The following GHRHR variants were observed in gnomAD, a reference collection of about 807,000 sequenced individuals.
GHRHR encodes the protein growth hormone-releasing hormone receptor.
GHRHR carries 40 observed loss-of-function variants against 58.3 expected under a neutral mutation model. That is an observed-to-expected ratio of 0.69 (90% CI 0.53 to 0.89). The LOEUF (loss-of-function observed/expected upper bound fraction) is 0.89. Among genes scored for constraint, GHRHR ranks in the 40% least tolerant of loss-of-function variants. The probability of loss-of-function intolerance (pLI) is 0.00; values close to 1 mark genes in which losing one functional copy is unlikely to be tolerated. For missense variants in GHRHR, 551 were observed against 541.3 expected, an observed-to-expected ratio of 1.02 and a Z score of -0.18; for synonymous variants, 249 against 216.6, an observed-to-expected ratio of 1.15 and a Z score of -1.31.
intron 1 of GHRHR, among the ~76,000 whole-genome samples, chr7:30,966,121 A>G (rs1482237270): frequency 6.6e-6 from 1 of 152,154 alleles, no homozygotes; most frequent in East Asian, 1.9e-4. Flanking sequence ...TTCTCCTGCC[A>G]GGGTAGCACT....
At chr7:30,969,555 G>C in intron 3 of GHRHR, 2 of 602,752 alleles carry the variant, frequency 3.3e-6, no homozygotes, top group Admixed American at 2.9e-5. Context: ...CCTAGGTGCT[G>C]GGACAGTGAG....
rs369916981 is a variant in GHRHR at position 30,969,979 on chromosome 7, G to A, written c.366+15G>A. The A allele has an allele frequency of 8.5e-5, 86 of 1,012,612 alleles. No homozygotes were observed. The highest frequency in any genetic ancestry group is 1.3e-4 in the Non-Finnish European group (80 of 630,470). The allele number at this position is 1,012,612 out of a possible 1,614,324, so 62.7% of individuals were successfully genotyped here. The stretch of plus-strand genomic sequence containing the variant: ...TGGCTGAGGAGGTAAGAGTCTTCTG[G>A]CATCTTGGAGGAAGGACTGCCATGG... On this transcript the variant is annotated intron_variant, in intron 4 of 12. Transcript: ENST00000326139.
intron 11 of GHRHR, among the ~76,000 whole-genome samples, 154 bp downstream of exon 11, chr7:30,976,712 C>T (rs1792592130): frequency 6.6e-6 from 1 of 152,164 alleles, no homozygotes; most frequent in Admixed American, 6.5e-5. Context: ...TTCCAGCCAC[C>T]CATCTACGTA....
At position 30,971,173 on chromosome 7, in the gene GHRHR, A is replaced by G. The variant is rs535557319; in HGVS notation, c.421A>G (p.Ile141Val). The G allele has an allele frequency of 7.8e-6, 12 of 1,535,064 alleles. No individual in the cohort carries two copies. Among genetic ancestry groups the G allele is most frequent in the African/African-American group, 6.8e-5 (5 of 73,150 alleles). Residue 141 changes from isoleucine to valine, a missense_variant, in exon 5 of 13, where the codon ATT (isoleucine) becomes GTT (valine). By Grantham distance (29) the Ile-to-Val change is conservative. Coordinates refer to ENST00000326139, the MANE Select transcript of GHRHR (RefSeq NM_000823.4). ...CTACACCGTGGGCCATAGCATCTCT[A>G]TTGTAGCCCTCTTCGTGGCCATCAC... ...IIYTVGHSIS[I>V]VALFVAITIL...
rs149802501 is a variant in GHRHR, at chr7:30,966,193, C to T, written c.57+2068C>T. Among the ~76,000 whole-genome samples, 855 of 152,232 alleles carry T rather than the reference C, an allele frequency of 5.6e-3. 6 individuals are homozygous for T. The highest frequency in any genetic ancestry group is 4.9e-3 in the Non-Finnish European group (334 of 68,002). On this transcript the variant is annotated intron_variant, in intron 1 of 12. Transcript: ENST00000326139. ...GATTTTCTCCTATCCCACAAATCTG[C>T]GGCAGAGCTCTCGGGTCTCTCCACG...
chr7:30,975,192 C>T (rs566447885), intron 9 of GHRHR, 152 bp downstream of exon 9: 4 of 708,496 alleles, frequency 5.6e-6, no homozygotes, highest in Middle Eastern at 4.7e-4. Context: ...GTGAGGCCCT[C>T]TCTGGGCCTC....
intron 12 of GHRHR, among the ~76,000 whole-genome samples, chr7:30,978,778 A>C (rs1792633916): frequency 6.6e-6 from 1 of 152,188 alleles, no homozygotes; most frequent in South Asian, 2.1e-4. Flanking sequence ...ACAAAATTGA[A>C]TCCCAGAGCA....
At chr7:30,977,485 AC>A (rs1353843238) in intron 12 of GHRHR, among the ~76,000 whole-genome samples, 163 bp downstream of exon 12, 1 of 152,188 alleles carries the variant, frequency 6.6e-6, no homozygotes, top group Admixed American at 6.5e-5. Context: ...ATCAAGCTGA[AC>A]CGGAATGTTT....
intron 7 of GHRHR, 76 bp from the exon 8 acceptor site, chr7:30,974,353 G>C (rs1423654860): frequency 8.5e-7 from 1 of 1,182,048 alleles, no homozygotes; most frequent in Non-Finnish European, 1.3e-6. Context: ...GCTGATGGTG[G>C]TGGTGGGAGG....
intron 7 of GHRHR, 85 bp downstream of exon 7, chr7:30,974,223 C>T: frequency 1.4e-6 from 2 of 1,391,508 alleles, no homozygotes; most frequent in Non-Finnish European, 2.0e-6. Flanking sequence ...CCCTCCACCT[C>T]ACTCTGAGGC....
chr7:30,968,991 C>A lies in GHRHR; in HGVS notation c.160+55C>A, dbSNP rs192109771. 5.0e-5 allele frequency: 77 copies of A among 1,544,910 alleles called. No homozygotes were observed. The Admixed American group carries it at 1.0e-3, about 20-fold the overall frequency. On this transcript the variant is annotated intron_variant, in intron 2 of 12. Transcript: ENST00000326139. ...TCTCTGATTCCTTTATATCCTCCAG[C>A]CTCACCCCTCGGATTATTGGGACAG...
At chr7:30,965,010 C>T (rs892916055) in intron 1 of GHRHR, among the ~76,000 whole-genome samples, 88 of 152,158 alleles carry the variant, frequency 5.8e-4, no homozygotes, top group African/African-American at 1.8e-3. Flanking sequence ...GAATCCTGGA[C>T]GCATGAAACT....
chr7:30,979,369 A>T lies in GHRHR; in HGVS notation c.*125A>T. ...CTGTTACCCAGCCCGGGGCAGGTGC[A>T]GCCCTTCCTCCCTGTCTCTGCATCT... On this transcript the variant is annotated 3_prime_UTR_variant, in exon 13 of 13. Coordinates refer to ENST00000326139, the MANE Select transcript of GHRHR (RefSeq NM_000823.4). 2 of 896,364 alleles carry T rather than the reference A, an allele frequency of 2.2e-6. No homozygotes were observed. Among genetic ancestry groups the T allele is most frequent in the East Asian group, 5.4e-5 (2 of 37,120 alleles). The allele number at this position is 896,364 out of a possible 1,614,324, so 55.5% of individuals were successfully genotyped here.
chr7:30,973,530 CAGTG>C (rs1433254264), intron 6 of GHRHR, among the ~76,000 whole-genome samples: 1 of 152,128 alleles, frequency 6.6e-6, no homozygotes, highest in Admixed American at 6.5e-5. Flanking sequence ...TCAAGTCATG[CAGTG>C]AGTGAGTGAA....
Position 30,974,977 on chromosome 7 carries a change from G to T in GHRHR, c.819G>T (p.Trp273Cys). 6.2e-7 allele frequency: 1 copy of T among 1,611,128 alleles called. No homozygotes were observed. Among genetic ancestry groups the T allele is most frequent in the Non-Finnish European group, 8.5e-7 (1 of 1,177,296 alleles). Residue 273 changes from tryptophan to cysteine, a missense_variant, in exon 9 of 13, where the codon TGG (tryptophan) becomes TGT (cysteine). Transcript: ENST00000326139. ...CKLAFEDIAC[W>C]DLDDTSPYWW... is the part of the protein sequence containing the mutation. ...TTCTTTCCTCTCTCCCCAGGTGCTGGGACCTGGACGACACCTCCCCCTACT... is the reference window on the plus strand; with the variant it reads ...TTCTTTCCTCTCTCCCCAGGTGCTGTGACCTGGACGACACCTCCCCCTACT...
intron 7 of GHRHR, 29 bp downstream of exon 7, chr7:30,974,167 T>TG (rs1562594609): frequency 6.8e-6 from 11 of 1,609,394 alleles, no homozygotes; most frequent in Non-Finnish European, 9.3e-6. Context: ...TTGGGCACCA[T>TG]GGGGAGGTAA....
chr7:30,964,579 C>T (rs1792302332), intron 1 of GHRHR, among the ~76,000 whole-genome samples: 1 of 151,982 alleles, frequency 6.6e-6, no homozygotes, highest in Admixed American at 6.5e-5. Flanking sequence ...CCTTCCTTAG[C>T]CCTATGACTC....
Position 30,974,150 on chromosome 7 carries a change from G to A in GHRHR, c.751+12G>A, listed in dbSNP as rs187794371. On this transcript the variant is annotated intron_variant, in intron 7 of 12. Transcript: ENST00000326139. ...TCTCGCTGGCTGGGGTGAGCACTGAGGGCGGGTTGGGCACCATGGGGAGGT... is the reference window on the plus strand; with the variant it reads ...TCTCGCTGGCTGGGGTGAGCACTGAAGGCGGGTTGGGCACCATGGGGAGGT... 3.3e-3 allele frequency: 5,389 copies of A among 1,613,086 alleles called. 16 individuals carry two copies. Among genetic ancestry groups the A allele is most frequent in the Non-Finnish European group, 4.3e-3 (5,093 of 1,179,398 alleles).
chr7:30,966,097 G>A (rs1303850271), intron 1 of GHRHR, among the ~76,000 whole-genome samples: 3 of 152,288 alleles, frequency 2.0e-5, no homozygotes, highest in South Asian at 4.1e-4. Context: ...TCAGCAGGGC[G>A]GGACAGGAGT....
Sources: allele counts gnomAD v4.1 joint callset (sites outside exome capture counted in the v4.1 genomes callset), GRCh38; gene constraint gnomAD v4.1.1; transcripts MANE v1.5; gene names NCBI Gene and HGNC (gene_info 2026-07-23, HGNC 2026-07-21).